The following GPC5 variants were observed in gnomAD, a reference collection of about 807,000 sequenced individuals.
The protein encoded by GPC5 is glypican-5.
GPC5 carries 47 observed loss-of-function variants against 53.9 expected under a neutral mutation model. The observed-to-expected ratio is 0.87, with a 90% CI of 0.69 to 1.11. The LOEUF (loss-of-function observed/expected upper bound fraction) is 1.11, where lower values mean the gene tolerates loss of function less well. GPC5 is among the 50% of genes most tolerant of loss of function. The pLI is 0.00. For synonymous variants in GPC5, 286 were observed against 263.3 expected, an observed-to-expected ratio of 1.09 and a Z score of -0.84; for missense variants, 748 against 713.1, an observed-to-expected ratio of 1.05 and a Z score of -0.56.
chr13:92,244,842 A>G (rs951542062), intron 7 of GPC5, among the ~76,000 whole-genome samples: 2 of 152,050 alleles, frequency 1.3e-5, no homozygotes, highest in Admixed American at 6.6e-5. Context: ...GATCAAGACC[A>G]TCCTGGCCAA....
At chr13:92,796,235 C>A (rs1876673124) in intron 7 of GPC5, among the ~76,000 whole-genome samples, 1 of 151,954 alleles carries the variant, frequency 6.6e-6, no homozygotes, top group Non-Finnish European at 1.5e-5. Context: ...AGCTGGAAAC[C>A]ACGATTCTCA....
chr13:92,262,446 A>G (rs998179470), intron 7 of GPC5, among the ~76,000 whole-genome samples: 5 of 152,204 alleles, frequency 3.3e-5, no homozygotes, highest in African/African-American at 9.6e-5. Flanking sequence ...TATAATAAAG[A>G]AAATAGATGT....
intron 7 of GPC5, among the ~76,000 whole-genome samples, chr13:92,768,912 A>C (rs1256689720): frequency 1.3e-5 from 2 of 152,080 alleles, no homozygotes; most frequent in African/African-American, 4.8e-5. Context: ...TCCAACGTCG[A>C]GGATATGTGA....
intron 6 of GPC5, among the ~76,000 whole-genome samples, chr13:92,031,676 A>AAT (rs544961651): frequency 0.018 from 1,657 of 92,140 alleles, 203 homozygotes; most frequent in Middle Eastern, 0.037. Context: ...TGGTATATAT[A>AAT]ATATATATAT....
At chr13:92,833,556 T>C (rs1878122257) in intron 7 of GPC5, among the ~76,000 whole-genome samples, 1 of 152,182 alleles carries the variant, frequency 6.6e-6, no homozygotes, top group Non-Finnish European at 1.5e-5. Flanking sequence ...CTGTGAAATA[T>C]GGCAATAAAA....
chr13:91,654,170 G>A (rs918830703), intron 2 of GPC5, among the ~76,000 whole-genome samples: 7 of 152,072 alleles, frequency 4.6e-5, no homozygotes, highest in Non-Finnish European at 8.8e-5. Context: ...GTTCCATATC[G>A]GTGAATTCCT....
chr13:92,236,462 G>C (rs1475020975), intron 7 of GPC5, among the ~76,000 whole-genome samples: 1 of 152,002 alleles, frequency 6.6e-6, no homozygotes, highest in Non-Finnish European at 1.5e-5. Flanking sequence ...ATAGATCCCA[G>C]TAGAAAAAAT....
chr13:92,715,462 T>A (rs7322501), intron 7 of GPC5, among the ~76,000 whole-genome samples: 32,191 of 152,172 alleles, frequency 0.21, 3,576 homozygotes, highest in East Asian at 0.41. Flanking sequence ...TAATTCTAAA[T>A]GATTAAGTAA....
intron 2 of GPC5, among the ~76,000 whole-genome samples, chr13:91,503,040 G>T (rs959069444): frequency 1.3e-5 from 2 of 152,020 alleles, no homozygotes; most frequent in African/African-American, 4.8e-5. Context: ...TAGTAATGAA[G>T]TCTAGAAAAG....
intron 2 of GPC5, among the ~76,000 whole-genome samples, chr13:91,546,270 C>A (rs2030283326): frequency 6.6e-6 from 1 of 151,938 alleles, no homozygotes; most frequent in Admixed American, 6.6e-5. Context: ...ACATAAATAT[C>A]ATGTAAAGTG....
At chr13:92,511,063 T>G (rs1328512698) in intron 7 of GPC5, among the ~76,000 whole-genome samples, 1 of 152,230 alleles carries the variant, frequency 6.6e-6, no homozygotes, top group East Asian at 1.9e-4. Flanking sequence ...TATAAAGACA[T>G]AGAGAAAAGG....
chr13:92,167,858 C>T (rs2042042687), intron 7 of GPC5, among the ~76,000 whole-genome samples: 1 of 133,424 alleles, frequency 7.5e-6, no homozygotes, highest in South Asian at 2.8e-4. Context: ...TATCAGTTTT[C>T]AACTTAGGAC....
At chr13:91,582,238 A>T (rs1285981725) in intron 2 of GPC5, among the ~76,000 whole-genome samples, 3 of 152,202 alleles carry the variant, frequency 2.0e-5, no homozygotes, top group Non-Finnish European at 4.4e-5. Context: ...TGGAATGGAA[A>T]CCAGACATAG....
intron 7 of GPC5, among the ~76,000 whole-genome samples, chr13:92,605,186 A>T (rs1206875982): frequency 6.6e-6 from 1 of 152,228 alleles, no homozygotes; most frequent in Non-Finnish European, 1.5e-5. Context: ...CTAGTTTAAG[A>T]AAAAAGGGAA....
chr13:91,837,225 C>A (rs1483443302), intron 5 of GPC5, among the ~76,000 whole-genome samples: 1 of 151,604 alleles, frequency 6.6e-6, no homozygotes, highest in Non-Finnish European at 1.5e-5. Flanking sequence ...TTTTAATTTT[C>A]TTTTATTAAA....
chr13:91,916,473 CA>C (rs1243577700), intron 6 of GPC5, among the ~76,000 whole-genome samples: 1 of 152,072 alleles, frequency 6.6e-6, no homozygotes, highest in Non-Finnish European at 1.5e-5. Flanking sequence ...AAGATCAAAA[CA>C]GTGGATATGC....
At chr13:92,276,827 A>G (rs9523581) in intron 7 of GPC5, among the ~76,000 whole-genome samples, 12,978 of 152,082 alleles carry the variant, frequency 0.085, 616 homozygotes, top group Middle Eastern at 0.12. Context: ...ATCTTTCCTC[A>G]GTGGAATTGA....
chr13:91,439,370 G>C (rs936356704), intron 1 of GPC5, among the ~76,000 whole-genome samples: 1 of 152,210 alleles, frequency 6.6e-6, no homozygotes, highest in Non-Finnish European at 1.5e-5. Flanking sequence ...AGTATAAATA[G>C]TGCTGAAATT....
chr13:91,465,241 A>T (rs894790488), intron 2 of GPC5, among the ~76,000 whole-genome samples: 13 of 152,110 alleles, frequency 8.5e-5, no homozygotes, highest in African/African-American at 3.1e-4. Flanking sequence ...GGCAATTAAC[A>T]TACAGTAAAA....
Sources: gnomAD v4.1 joint callset for allele counts (sites outside exome capture counted in the v4.1 genomes callset) on GRCh38, gnomAD v4.1.1 for gene constraint, MANE v1.5 for transcripts, NCBI Gene and HGNC (gene_info 2026-07-23, HGNC 2026-07-21) for gene names.